The following NNMT variants were observed in gnomAD, a reference collection of about 807,000 sequenced individuals.
NNMT encodes the protein nicotinamide N-methyltransferase.
In NNMT, 10 loss-of-function variants were observed where a neutral mutation model predicts 11.7. The observed-to-expected ratio is 0.85, with a 90% CI of 0.53 to 1.45. The LOEUF (loss-of-function observed/expected upper bound fraction) is 1.45. NNMT is among the 40% of genes most tolerant of loss of function. The pLI, the probability that NNMT is intolerant of heterozygous loss-of-function variation, is 0.00. For missense variants in NNMT, 381 were observed against 319.4 expected, an observed-to-expected ratio of 1.19 and a Z score of -1.47; for synonymous variants, 143 against 133.8, an observed-to-expected ratio of 1.07 and a Z score of -0.48.
chr11:114,292,777 G>C (rs144991306), upstream of NNMT, among the ~76,000 whole-genome samples: 30 of 152,182 alleles, frequency 2.0e-4, no homozygotes, highest in Middle Eastern at 3.4e-3. Context: ...GAAATTTCTG[G>C]AGAGGGTAGA....
intron 2 of NNMT, among the ~76,000 whole-genome samples, chr11:114,279,515 G>A (rs966232811): frequency 1.3e-5 from 2 of 152,152 alleles, no homozygotes; most frequent in Non-Finnish European, 2.9e-5. Context: ...TCAGGAGTTG[G>A]ATACCAGAAG....
chr11:114,270,254 G>T (rs112948034), intron 2 of NNMT: 2 of 152,130 alleles, frequency 1.3e-5, no homozygotes, highest in African/African-American at 4.8e-5. Context: ...CATTCAATAC[G>T]TGAATTAACT....
chr11:114,295,016 A>AT (rs999767998), upstream of NNMT, among the ~76,000 whole-genome samples: 4 of 152,130 alleles, frequency 2.6e-5, no homozygotes, highest in Non-Finnish European at 4.4e-5. Flanking sequence ...ACCGGTAGGG[A>AT]TTTTTTTATT....
chr11:114,265,853 A>G (rs1023621698), intron 2 of NNMT, among the ~76,000 whole-genome samples: 1 of 152,052 alleles, frequency 6.6e-6, no homozygotes, highest in Non-Finnish European at 1.5e-5. Flanking sequence ...TATTATTATT[A>G]TTCTGCACCG....
chr11:114,298,024 A>C lies in NNMT; in HGVS notation c.228A>C (p.Glu76Asp), dbSNP rs747662029. The C allele has an allele frequency of 7.4e-6, 12 of 1,614,034 alleles. No homozygotes were observed. The highest frequency in any genetic ancestry group is 1.7e-4 in the Middle Eastern group (1 of 6,008). Residue 76 changes from glutamate to aspartate, a missense_variant, in exon 2 of 3, where the codon GAA (glutamate) becomes GAC (aspartate). Glu to Asp is a conservative substitution (Grantham distance 45). Transcript: ENST00000299964. The stretch of plus-strand genomic sequence containing the variant: ...TCTATCAGCTCCTCTCTGCTTGTGA[A>C]TCCTTTAAGGAGATCGTCGTCACTG... ...PTIYQLLSAC[E>D]SFKEIVVTDY...
chr11:114,271,518 T>A lies in NNMT; in HGVS notation c.-130+8584T>A, dbSNP rs115943159. Reference sequence around the variant, plus strand: ...TGCACACTTATCCCCACTACATGTGTGGCTCCAGCTCAGGTCTCTCTGTGA... The same window carrying A: ...TGCACACTTATCCCCACTACATGTGAGGCTCCAGCTCAGGTCTCTCTGTGA... On this transcript the variant is annotated intron_variant, in intron 2 of 4. Transcript: ENST00000535401. 5.2e-3 allele frequency among the ~76,000 whole-genome samples: 790 copies of A among 152,316 alleles called. 5 individuals carry two copies. Among genetic ancestry groups the A allele is most frequent in the African/African-American group, 0.018 (762 of 41,566 alleles).
rs998809006 is a variant in NNMT, at chr11:114,313,138, C to G, written c.*661C>G. 1 of 152,222 alleles carries G rather than the reference C, an allele frequency of 6.6e-6. No individual in the cohort carries two copies. Among genetic ancestry groups the G allele is most frequent in the Non-Finnish European group, 1.5e-5 (1 of 68,046 alleles). 9.4% of individuals were successfully genotyped at this position (152,222 alleles called of 1,614,324 possible). A position where few individuals can be genotyped will look rare whatever the true frequency, so the allele number is the denominator to read the frequency against. ...ATATAACCTTGCAGTGCCTCACTTT[C>G]CTCATCTATAAAATGAGATTAAAAT... On this transcript the variant is annotated 3_prime_UTR_variant, in exon 3 of 3. Coordinates refer to ENST00000299964, the MANE Select transcript of NNMT (RefSeq NM_006169.3).
intron 2 of NNMT, among the ~76,000 whole-genome samples, chr11:114,286,179 G>C (rs1391695867): frequency 6.6e-6 from 1 of 152,180 alleles, no homozygotes; most frequent in Non-Finnish European, 1.5e-5. Flanking sequence ...GAGGAAACTT[G>C]GGAAGACCAA....
chr11:114,303,917 C>T (rs552567069), intron 2 of NNMT, among the ~76,000 whole-genome samples: 64 of 152,164 alleles, frequency 4.2e-4, no homozygotes, highest in East Asian at 2.9e-3. Context: ...TTGCCCAGGC[C>T]GGTGAGAGCC....
chr11:114,275,536 A>G (rs569983719), intron 2 of NNMT, among the ~76,000 whole-genome samples: 1 of 152,306 alleles, frequency 6.6e-6, no homozygotes, highest in East Asian at 1.9e-4. Flanking sequence ...TGCCCGTGCC[A>G]ATAGCTGATG....
intron 2 of NNMT, among the ~76,000 whole-genome samples, chr11:114,307,457 G>C (rs1945502967): frequency 6.6e-6 from 1 of 151,980 alleles, no homozygotes; most frequent in Non-Finnish European, 1.5e-5. Context: ...ACCATCACCT[G>C]GTCTCAGCTA....
chr11:114,264,734 C>A (rs1361432172), intron 2 of NNMT, among the ~76,000 whole-genome samples: 1 of 152,244 alleles, frequency 6.6e-6, no homozygotes, highest in Non-Finnish European at 1.5e-5. Context: ...GTTCCCACAA[C>A]CTCCTCATTG....
intron 2 of NNMT, among the ~76,000 whole-genome samples, chr11:114,279,540 T>C (rs562412315): frequency 1.2e-4 from 18 of 152,246 alleles, no homozygotes; most frequent in Middle Eastern, 3.4e-3. Flanking sequence ...TTGCAGCAGA[T>C]GGGACTAGAG....
chr11:114,266,235 G>C (rs918830205), intron 2 of NNMT, among the ~76,000 whole-genome samples: 5 of 151,974 alleles, frequency 3.3e-5, no homozygotes, highest in African/African-American at 1.2e-4. Flanking sequence ...CCACCTCGCT[G>C]TTTCCCTTAG....
chr11:114,312,398 C>G lies in NNMT; in HGVS notation c.716C>G (p.Ser239Trp). ...GYTIEWFEVI[S>W]QSYSSTMANN... The stretch of plus-strand genomic sequence containing the variant: ...ACAATCGAATGGTTTGAGGTGATCT[C>G]GCAAAGTTATTCTTCCACCATGGCC... The change falls in exon 3 of 3, where the codon TCG becomes TGG. Residue 239 changes from serine to tryptophan, a missense_variant. By Grantham distance (177) the Ser-to-Trp change is radical. Transcript: ENST00000299964. 2.5e-6 allele frequency: 4 copies of G among 1,614,180 alleles called. No individual in the cohort carries two copies. Among genetic ancestry groups the G allele is most frequent in the Non-Finnish European group, 3.4e-6 (4 of 1,180,026 alleles).
chr11:114,296,415 T>C lies in NNMT; in HGVS notation c.-142T>C. The C allele has an allele frequency of 1.4e-6, 1 of 739,106 alleles. No individual in the cohort carries two copies. Among genetic ancestry groups the C allele is most frequent in the East Asian group, 2.6e-5 (1 of 37,738 alleles). 45.8% of individuals were successfully genotyped at this position (739,106 alleles called of 1,614,324 possible). On this transcript the variant is annotated 5_prime_UTR_variant, in exon 1 of 3. Coordinates refer to ENST00000299964, the MANE Select transcript of NNMT (RefSeq NM_006169.3). ...TTCTCTGTTAGTGTTTAACCAACCA[T>C]CTGTTCTAAAAGAAGGGCTGAACTG...
chr11:114,293,488 C>T (rs1220709811), upstream of NNMT, among the ~76,000 whole-genome samples: 1 of 151,652 alleles, frequency 6.6e-6, no homozygotes, highest in East Asian at 2.0e-4. Context: ...TTCTCCATAT[C>T]CTTGCCAGCA....
At chr11:114,292,982 C>T (rs1178380299), upstream of NNMT, among the ~76,000 whole-genome samples, 4 of 152,148 alleles carry the variant, frequency 2.6e-5, no homozygotes, top group African/African-American at 7.2e-5. Flanking sequence ...TAGTAAAATA[C>T]GTACTGTTAA....
intron 2 of NNMT, among the ~76,000 whole-genome samples, chr11:114,307,394 C>T (rs1016083928): frequency 6.6e-6 from 1 of 152,138 alleles, no homozygotes; most frequent in African/African-American, 2.4e-5. Flanking sequence ...TAACATCAAG[C>T]TCTGTCCATT....
Sources: allele counts gnomAD v4.1 joint callset (sites outside exome capture counted in the v4.1 genomes callset), GRCh38; gene constraint gnomAD v4.1.1; transcripts MANE v1.5; gene names NCBI Gene and HGNC (gene_info 2026-07-23, HGNC 2026-07-21).